CACNA2D3: variants seen among roughly 807,000 people sequenced by gnomAD.
The protein encoded by CACNA2D3 is voltage-dependent calcium channel subunit alpha-2/delta-3.
Under a neutral mutation model 160.6 loss-of-function variants are expected in CACNA2D3, and 60 were observed. The observed-to-expected ratio is 0.37, with a 90% CI of 0.30 to 0.46. CACNA2D3 has a LOEUF of 0.46. CACNA2D3 is among the 20% of genes least tolerant of loss of function. The pLI, the probability that CACNA2D3 is intolerant of heterozygous loss-of-function variation, is 1.00. For missense variants in CACNA2D3, 1,205 were observed against 1,365.0 expected (o/e 0.88, Z 1.85); for synonymous variants, 558 against 492.9 (o/e 1.13, Z -1.75).
intron 2 of CACNA2D3, among the ~76,000 whole-genome samples, chr3:54,275,731 C>T (rs983613558): frequency 3.3e-5 from 5 of 152,156 alleles, no homozygotes; most frequent in African/African-American, 1.2e-4. Flanking sequence ...AGTTCTCGTG[C>T]CTCAGCCTCC....
chr3:54,585,344 C>G (rs1449329146), intron 9 of CACNA2D3, among the ~76,000 whole-genome samples: 2 of 151,816 alleles, frequency 1.3e-5, no homozygotes, highest in Non-Finnish European at 2.9e-5. Context: ...TACCATAATA[C>G]CTACAGCAAC....
At chr3:54,962,512 A>G (rs4955913) in intron 27 of CACNA2D3, among the ~76,000 whole-genome samples, 60,078 of 152,070 alleles carry the variant, frequency 0.4, 13,554 homozygotes, top group East Asian at 0.55. Flanking sequence ...TAGTTAGAGT[A>G]TTTTAATACC....
chr3:54,500,438 A>G (rs1283524501), intron 4 of CACNA2D3, among the ~76,000 whole-genome samples: 1 of 151,318 alleles, frequency 6.6e-6, no homozygotes, highest in Non-Finnish European at 1.5e-5. Context: ...CCATATTTGT[A>G]ACAGTTTTCT....
At chr3:55,001,543 C>G (rs1459308981) in intron 31 of CACNA2D3, among the ~76,000 whole-genome samples, 1 of 152,184 alleles carries the variant, frequency 6.6e-6, no homozygotes, top group Non-Finnish European at 1.5e-5. Flanking sequence ...GAAACTGAGG[C>G]ACCAAGAGGG....
intron 2 of CACNA2D3, among the ~76,000 whole-genome samples, chr3:54,195,633 G>A (rs1701064482): frequency 6.6e-6 from 1 of 152,232 alleles, no homozygotes; most frequent in Non-Finnish European, 1.5e-5. Flanking sequence ...GGGCTAGTGA[G>A]CTGAAGAAGC....
At position 54,657,689 on chromosome 3, in the gene CACNA2D3, T is replaced by A. The variant is rs963003023; in HGVS notation, c.1167+15448T>A. On this transcript the variant is annotated intron_variant, in intron 11 of 37. Coordinates refer to ENST00000474759, the MANE Select transcript of CACNA2D3 (RefSeq NM_018398.3). ...ATGTCTTCCAGGTCCATCCATGTTG[T>A]AAATGGTAGGATTTCCTTCTTTCCA... Among the ~76,000 whole-genome samples the A allele has an allele frequency of 2.0e-5, 3 of 152,212 alleles. No individual in the cohort carries two copies. The East Asian group carries it at 5.8e-4, about 29-fold the overall frequency.
chr3:54,227,095 G>T (rs994697257), intron 2 of CACNA2D3, among the ~76,000 whole-genome samples: 1 of 152,212 alleles, frequency 6.6e-6, no homozygotes, highest in Non-Finnish European at 1.5e-5. Flanking sequence ...TCATTGTGAA[G>T]ATGGCAGAAC....
chr3:54,440,583 C>T (rs968752448), intron 4 of CACNA2D3, among the ~76,000 whole-genome samples: 1 of 151,906 alleles, frequency 6.6e-6, no homozygotes, highest in African/African-American at 2.4e-5. Context: ...TGTGCCGCAC[C>T]CATTAACTCG....
chr3:54,873,262 ACCT>A (rs2106824715), intron 18 of CACNA2D3, among the ~76,000 whole-genome samples: 1 of 151,918 alleles, frequency 6.6e-6, no homozygotes, highest in Non-Finnish European at 1.5e-5. Flanking sequence ...TATTATTCTG[ACCT>A]CCTCAGTCCT....
At position 54,213,691 on chromosome 3, in the gene CACNA2D3, G is replaced by C. The variant is rs74642541; in HGVS notation, c.204+90097G>C. 2.2e-3 allele frequency among the ~76,000 whole-genome samples: 331 copies of C among 152,346 alleles called. 1 individual carries two copies. The highest frequency in any genetic ancestry group is 7.7e-3 in the African/African-American group (321 of 41,588). On this transcript the variant is annotated intron_variant, in intron 2 of 37. Transcript: ENST00000474759. ...GTCTCATTTGACATCACAGGGGACAGAGTAAAATAGCATATTGTGCAGTTG... is the reference window on the plus strand; with the variant it reads ...GTCTCATTTGACATCACAGGGGACACAGTAAAATAGCATATTGTGCAGTTG...
chr3:54,776,319 G>A (rs1702423521), intron 13 of CACNA2D3, among the ~76,000 whole-genome samples: 1 of 152,058 alleles, frequency 6.6e-6, no homozygotes, highest in African/African-American at 2.4e-5. Context: ...TTGGAGATGG[G>A]CAACATAGTG....
intron 9 of CACNA2D3, among the ~76,000 whole-genome samples, chr3:54,596,823 G>T (rs549861145): frequency 1.3e-5 from 2 of 151,790 alleles, no homozygotes; most frequent in Non-Finnish European, 2.9e-5. Flanking sequence ...CTCCTTCTTC[G>T]CCTGGTTAAC....
At chr3:54,316,871 C>G (rs968509916) in intron 2 of CACNA2D3, among the ~76,000 whole-genome samples, 9 of 152,102 alleles carry the variant, frequency 5.9e-5, no homozygotes, top group Non-Finnish European at 1.2e-4. Context: ...ACAGATATGG[C>G]CAGAATATTG....
At chr3:54,318,150 G>C (rs1053954017) in intron 2 of CACNA2D3, among the ~76,000 whole-genome samples, 1 of 152,102 alleles carries the variant, frequency 6.6e-6, no homozygotes, top group Non-Finnish European at 1.5e-5. Flanking sequence ...TCTGCTGTGG[G>C]CTGTGGCAGC....
intron 11 of CACNA2D3, among the ~76,000 whole-genome samples, chr3:54,739,308 T>C (rs1701593361): frequency 6.6e-6 from 1 of 151,290 alleles, no homozygotes; most frequent in South Asian, 2.1e-4. Context: ...TAGTCCCAGC[T>C]ACTTGGGAGG....
intron 11 of CACNA2D3, among the ~76,000 whole-genome samples, chr3:54,709,035 A>G (rs1700906477): frequency 6.8e-6 from 1 of 146,270 alleles, no homozygotes; most frequent in African/African-American, 2.5e-5. Context: ...TTCAAGATGG[A>G]GTCTTGCTCT....
intron 27 of CACNA2D3, among the ~76,000 whole-genome samples, chr3:54,937,337 C>G (rs1015008140): frequency 8.5e-5 from 13 of 152,174 alleles, no homozygotes; most frequent in African/African-American, 3.1e-4. Flanking sequence ...GACAGAAATT[C>G]ATTATACCAC....
intron 23 of CACNA2D3, among the ~76,000 whole-genome samples, chr3:54,886,933 C>CTTTTTTTT (rs1559617461): frequency 9.4e-5 from 3 of 31,826 alleles, no homozygotes; most frequent in African/African-American, 5.8e-4. Flanking sequence ...TTCAGCAAAG[C>CTTTTTTTT]TCTTTTTTTT....
chr3:54,184,168 T>C (rs1413467952), intron 2 of CACNA2D3, among the ~76,000 whole-genome samples: 1 of 152,020 alleles, frequency 6.6e-6, no homozygotes, highest in Admixed American at 6.6e-5. Flanking sequence ...GAAAACAGAG[T>C]GATCAGAGAT....
Sources: allele counts gnomAD v4.1 joint callset (sites outside exome capture counted in the v4.1 genomes callset), GRCh38; gene constraint gnomAD v4.1.1; transcripts MANE v1.5; gene names NCBI Gene and HGNC (gene_info 2026-07-23, HGNC 2026-07-21).